Variants in CIDEA observed in about 807,000 individuals in gnomAD.
The protein encoded by CIDEA is cell death inducing DFFA like effector a.
Under a neutral mutation model 18.2 loss-of-function variants are expected in CIDEA, and 10 were observed. The ratio of observed to expected loss-of-function variants is 0.55; its 90% CI spans 0.34 to 0.93. CIDEA has a LOEUF of 0.93. Ranked by LOEUF, CIDEA falls within the 40% of genes least tolerant of loss-of-function variation. The pLI, the probability that CIDEA is intolerant of heterozygous loss-of-function variation, is 0.02. For synonymous variants in CIDEA, 128 were observed against 124.8 expected, an observed-to-expected ratio of 1.03 and a Z score of -0.17; for missense variants, 309 against 293.1, an observed-to-expected ratio of 1.05 and a Z score of -0.40.
At chr18:12,263,010 G>A in intron 2 of CIDEA, 41 bp downstream of exon 2, 1 of 1,602,380 alleles carries the variant, frequency 6.2e-7, no homozygotes, top group African/African-American at 1.3e-5. Flanking sequence ...CCACAGGGGT[G>A]CCCTGCACTC....
intron 3 of CIDEA, among the ~76,000 whole-genome samples, chr18:12,268,757 T>C (rs1165456494): frequency 1.3e-5 from 2 of 152,092 alleles, no homozygotes; most frequent in African/African-American, 4.8e-5. Flanking sequence ...TTGAAAGAAA[T>C]TAAAATTCAG....
chr18:12,271,612 T>G (rs572733365), intron 3 of CIDEA, among the ~76,000 whole-genome samples: 2 of 151,080 alleles, frequency 1.3e-5, no homozygotes, highest in South Asian at 2.1e-4. Flanking sequence ...CAGGGAGGAG[T>G]TGGTGGTGGG....
chr18:12,271,702 C>G (rs576678133), intron 3 of CIDEA, among the ~76,000 whole-genome samples: 12 of 152,232 alleles, frequency 7.9e-5, no homozygotes, highest in African/African-American at 2.4e-4. Flanking sequence ...GCCACGCGCT[C>G]CAGGGGGCTC....
In CIDEA at chr18:12,262,877, A is replaced by G. The variant is rs750738119; in HGVS notation, c.91A>G (p.Met31Val). The G allele has an allele frequency of 6.2e-7, 1 of 1,614,072 alleles. No individual in the cohort carries two copies. The highest frequency in any genetic ancestry group is 1.3e-5 in the African/African-American group (1 of 74,928). The change falls in exon 2 of 5, where the codon ATG becomes GTG. Residue 31 changes from methionine to valine, a missense_variant. Physicochemically the swap from Met to Val is conservative, Grantham distance 21. Coordinates refer to ENST00000320477, the MANE Select transcript of CIDEA (RefSeq NM_001279.4). ...TAAGCGAGTCCTGTTCACCCCGCTC[A>G]TGCATCCAGCTCGCCCTTTCCGGGT... ...QTKRVLFTPL[M>V]HPARPFRVSN... is the part of the protein sequence containing the mutation.
chr18:12,254,563 C>CCCGCGCAAACACCCAT, intron 1 of CIDEA, 142 bp downstream of exon 1: 1 of 1,509,726 alleles, frequency 6.6e-7, no homozygotes, highest in Non-Finnish European at 8.8e-7. Context: ...GCTCCGCGAC[C>CCCGCGCAAACACCCAT]CCGCGCACAC....
At position 12,277,168 on chromosome 18, in the gene CIDEA, G is replaced by T; in HGVS notation, c.558G>T (p.Gln186His). ...CCTACTCCGCCCAGGTGACGGGACA[G>T]TTTCTCATCTATCTGGGCACATACA... Reference protein sequence around the residue: ...FLSYSAQVTGQFLIYLGTYML... With the variant: ...FLSYSAQVTGHFLIYLGTYML... The change falls in exon 5 of 5, where the codon CAG becomes CAT. Residue 186 changes from glutamine to histidine, a missense_variant. By Grantham distance (24) the Gln-to-His change is conservative. Transcript: ENST00000320477. 6.2e-7 allele frequency: 1 copy of T among 1,614,210 alleles called. No homozygotes were observed. Among genetic ancestry groups the T allele is most frequent in the Non-Finnish European group, 8.5e-7 (1 of 1,180,042 alleles).
intron 4 of CIDEA, among the ~76,000 whole-genome samples, 161 bp downstream of exon 4, chr18:12,274,435 C>T (rs1912649522): frequency 6.6e-6 from 1 of 152,182 alleles, no homozygotes; most frequent in South Asian, 2.1e-4. Flanking sequence ...CCCACAGGCT[C>T]ATCTCACACA....
chr18:12,272,163 T>TG (rs1568105900), intron 3 of CIDEA, among the ~76,000 whole-genome samples: 1 of 25,532 alleles, frequency 3.9e-5, no homozygotes, highest in Admixed American at 4.8e-4. Flanking sequence ...GGGGGGGGGT[T>TG]GGGGGGGGGT....
chr18:12,254,796 A>T, intron 1 of CIDEA: 1 of 1,349,442 alleles, frequency 7.4e-7, no homozygotes, highest in Non-Finnish European at 9.8e-7. Context: ...GGTCCCAGGA[A>T]CCCCGAGCAA....
In CIDEA at chr18:12,277,201, G is replaced by A. The variant is rs761201210; in HGVS notation, c.591G>A (p.Arg197=). 30 of 1,614,078 alleles carry A rather than the reference G, an allele frequency of 1.9e-5. No homozygotes were observed. Among genetic ancestry groups the A allele is most frequent in the African/African-American group, 2.7e-5 (2 of 74,914 alleles). Reference sequence around the variant, plus strand: ...TCTATCTGGGCACATACATGCTCCGGGTGCTGGATGACAAGGAAGAGCGGC... The same window carrying A: ...TCTATCTGGGCACATACATGCTCCGAGTGCTGGATGACAAGGAAGAGCGGC... ...FLIYLGTYML[R]VLDDKEERPS... The change falls in exon 5 of 5, where the codon CGG becomes CGA. Residue 197 remains arginine, a synonymous_variant. Coordinates refer to ENST00000320477, the MANE Select transcript of CIDEA (RefSeq NM_001279.4).
intron 1 of CIDEA, among the ~76,000 whole-genome samples, chr18:12,261,625 G>A (rs1912194697): frequency 6.6e-6 from 1 of 152,036 alleles, no homozygotes; most frequent in African/African-American, 2.4e-5. Context: ...GTACAGTGGT[G>A]CAACCTTGGC....
At chr18:12,271,161 C>T (rs1037666111) in intron 3 of CIDEA, among the ~76,000 whole-genome samples, 3 of 151,660 alleles carry the variant, frequency 2.0e-5, no homozygotes, top group East Asian at 2.0e-4. Context: ...GGCCTCCCAC[C>T]GTGCTAGGAT....
chr18:12,266,552 A>G (rs1912353751), intron 3 of CIDEA, among the ~76,000 whole-genome samples: 1 of 152,248 alleles, frequency 6.6e-6, no homozygotes, highest in Non-Finnish European at 1.5e-5. Flanking sequence ...GAAAAATATA[A>G]CAACTAAAAT....
At chr18:12,272,151 G>GGGC (rs1598781767) in intron 3 of CIDEA, among the ~76,000 whole-genome samples, 2 of 10,608 alleles carry the variant, frequency 1.9e-4, no homozygotes, top group Admixed American at 1.2e-3. Flanking sequence ...TGTGTGTGTG[G>GGGC]GGGGGGGGGG....
intron 1 of CIDEA, among the ~76,000 whole-genome samples, chr18:12,255,821 G>A (rs1912017151): frequency 6.6e-6 from 1 of 152,138 alleles, no homozygotes; most frequent in African/African-American, 2.4e-5. Flanking sequence ...GCATCTGTGT[G>A]GGGTCTCTGT....
chr18:12,255,213 G>A (rs889720155), intron 1 of CIDEA, among the ~76,000 whole-genome samples: 1 of 152,264 alleles, frequency 6.6e-6, no homozygotes, highest in Non-Finnish European at 1.5e-5. Context: ...GTCTAAGAGG[G>A]AGATCGTGTT....
chr18:12,266,591 A>C (rs892521117), intron 3 of CIDEA, among the ~76,000 whole-genome samples: 3 of 152,272 alleles, frequency 2.0e-5, no homozygotes, highest in African/African-American at 7.2e-5. Flanking sequence ...GGTTAGACAG[A>C]GCTGAAGGTA....
At chr18:12,259,087 C>T (rs1232844096) in intron 1 of CIDEA, among the ~76,000 whole-genome samples, 1 of 152,194 alleles carries the variant, frequency 6.6e-6, no homozygotes, top group Non-Finnish European at 1.5e-5. Flanking sequence ...AGCTGTGTGC[C>T]AGTCCTGGGG....
intron 1 of CIDEA, among the ~76,000 whole-genome samples, chr18:12,256,133 T>A (rs1449864721): frequency 6.6e-6 from 1 of 152,184 alleles, no homozygotes; most frequent in Non-Finnish European, 1.5e-5. Flanking sequence ...CAAACTAAAC[T>A]GGAAGAAAAC....
Sources: gnomAD v4.1 joint callset for allele counts (sites outside exome capture counted in the v4.1 genomes callset) on GRCh38, gnomAD v4.1.1 for gene constraint, MANE v1.5 for transcripts, NCBI Gene and HGNC (gene_info 2026-07-23, HGNC 2026-07-21) for gene names.